SDCCAG8: variants seen among roughly 807,000 people sequenced by gnomAD.
The protein encoded by SDCCAG8 is serologically defined colon cancer antigen 8.
A neutral mutation model predicts 101.8 loss-of-function variants in SDCCAG8; 74 were observed. That is an observed-to-expected ratio of 0.73 (90% CI 0.60 to 0.88). The LOEUF (loss-of-function observed/expected upper bound fraction) is 0.88. Among genes scored for constraint, SDCCAG8 ranks in the 40% least tolerant of loss-of-function variants. The pLI, the probability that SDCCAG8 is intolerant of heterozygous loss-of-function variation, is 0.00. For synonymous variants in SDCCAG8, 281 were observed against 292.9 expected, an observed-to-expected ratio of 0.96 and a Z score of 0.41; for missense variants, 787 against 822.6, an observed-to-expected ratio of 0.96 and a Z score of 0.53.
intron 9 of SDCCAG8, chr1:243,318,619 C>T: frequency 1.0e-6 from 1 of 971,698 alleles, no homozygotes; most frequent in Non-Finnish European, 1.2e-6. Context: ...GTTTGACCCT[C>T]ATGCCTTTTG....
At chr1:243,412,035 C>G (rs2080217222) in intron 13 of SDCCAG8, among the ~76,000 whole-genome samples, 1 of 152,138 alleles carries the variant, frequency 6.6e-6, no homozygotes, top group African/African-American at 2.4e-5. Flanking sequence ...AAATTTTCCC[C>G]TTATACCTTT....
At chr1:243,425,095 G>A (rs796111364) in intron 15 of SDCCAG8, among the ~76,000 whole-genome samples, 5 of 152,242 alleles carry the variant, frequency 3.3e-5, no homozygotes, top group African/African-American at 1.2e-4. Context: ...TCAAATATGG[G>A]TAGATTCTTA....
intron 3 of SDCCAG8, 87 bp downstream of exon 3, chr1:243,271,150 T>A: frequency 2.2e-6 from 2 of 890,150 alleles, no homozygotes; most frequent in Middle Eastern, 2.1e-4. Flanking sequence ...AGAAAAAATT[T>A]AAGCATGGCA....
At chr1:243,415,886 C>T in intron 14 of SDCCAG8, 57 bp downstream of exon 14, 1 of 1,596,762 alleles carries the variant, frequency 6.3e-7, no homozygotes, top group Non-Finnish European at 8.5e-7. Flanking sequence ...AGGCCCACGC[C>T]TTACTGTGAA....
chr1:243,477,803 G>C (rs1056969306), intron 16 of SDCCAG8, among the ~76,000 whole-genome samples: 1 of 152,186 alleles, frequency 6.6e-6, no homozygotes, highest in Non-Finnish European at 1.5e-5. Context: ...CCAAGCTTCT[G>C]GCCTCTTTTG....
chr1:243,479,239 C>T (rs767765821), intron 16 of SDCCAG8, among the ~76,000 whole-genome samples: 3 of 152,080 alleles, frequency 2.0e-5, no homozygotes, highest in Non-Finnish European at 4.4e-5. Context: ...AAATAGCTAG[C>T]GATATTTGAA....
intron 13 of SDCCAG8, among the ~76,000 whole-genome samples, chr1:243,380,415 C>T (rs1042713395): frequency 1.3e-5 from 2 of 152,164 alleles, no homozygotes; most frequent in Non-Finnish European, 2.9e-5. Flanking sequence ...AATAGGACAG[C>T]TTTTAATGTC....
At chr1:243,273,376 A>G (rs1188953230) in intron 3 of SDCCAG8, among the ~76,000 whole-genome samples, 1 of 152,146 alleles carries the variant, frequency 6.6e-6, no homozygotes, top group Non-Finnish European at 1.5e-5. Flanking sequence ...TAAAAAAAAA[A>G]TTATGTGATG....
At chr1:243,436,290 GGT>G (rs1384178109) in intron 16 of SDCCAG8, among the ~76,000 whole-genome samples, 1 of 150,832 alleles carries the variant, frequency 6.6e-6, no homozygotes, top group Non-Finnish European at 1.5e-5. Context: ...TCGTACCTTT[GGT>G]GTTGTAGCTA....
chr1:243,438,920 CAT>C (rs767702948), intron 16 of SDCCAG8, among the ~76,000 whole-genome samples: 59 of 152,228 alleles, frequency 3.9e-4, no homozygotes, highest in Non-Finnish European at 7.9e-4. Context: ...TGTATCTTTC[CAT>C]ATCTGTTTTA....
intron 16 of SDCCAG8, among the ~76,000 whole-genome samples, chr1:243,480,474 A>G (rs868657954): frequency 7.8e-5 from 3 of 38,446 alleles, no homozygotes; most frequent in African/African-American, 1.1e-4. Flanking sequence ...GGATGGATGG[A>G]TGGATGGATG....
chr1:243,415,613 G>GT (rs2080520420), intron 13 of SDCCAG8, 89 bp from the exon 14 acceptor site: 2 of 1,561,024 alleles, frequency 1.3e-6, no homozygotes, highest in South Asian at 1.1e-5. Context: ...AATTTACTAC[G>GT]TATCAGCTCT....
chr1:243,307,196 C>T (rs115779001), intron 7 of SDCCAG8, among the ~76,000 whole-genome samples: 2 of 151,688 alleles, frequency 1.3e-5, no homozygotes, highest in Admixed American at 1.3e-4. Flanking sequence ...CTTAAAAAGT[C>T]ACCTTGGAGA....
At chr1:243,356,087 T>A (rs2076362097) in intron 12 of SDCCAG8, among the ~76,000 whole-genome samples, 1 of 152,222 alleles carries the variant, frequency 6.6e-6, no homozygotes, top group Non-Finnish European at 1.5e-5. Flanking sequence ...GAAGGTCCAC[T>A]ATGTGTATAG....
intron 13 of SDCCAG8, among the ~76,000 whole-genome samples, chr1:243,403,289 C>T (rs1270716630): frequency 6.6e-6 from 1 of 152,164 alleles, no homozygotes; most frequent in Non-Finnish European, 1.5e-5. Context: ...CCAATGCTAC[C>T]TCCCCCTGTG....
At chr1:243,324,459 C>CTTTTTTTTTTT (rs34446782) in intron 9 of SDCCAG8, among the ~76,000 whole-genome samples, 1 of 87,018 alleles carries the variant, frequency 1.1e-5, no homozygotes, top group Non-Finnish European at 2.0e-5. Context: ...TCTTCACATG[C>CTTTTTTTTTTT]TTTTTTTTTT....
chr1:243,410,565 G>A (rs2080101510), intron 13 of SDCCAG8, among the ~76,000 whole-genome samples: 2 of 152,088 alleles, frequency 1.3e-5, no homozygotes. Context: ...TCAGTAAAAA[G>A]GTGAGTAGGA....
intron 13 of SDCCAG8, among the ~76,000 whole-genome samples, chr1:243,386,406 T>C (rs1177839098): frequency 6.6e-6 from 1 of 152,082 alleles, no homozygotes. Context: ...TAGAAATAAA[T>C]GTTAGCTTCT....
At chr1:243,431,585 T>C (rs2081768133) in intron 16 of SDCCAG8, among the ~76,000 whole-genome samples, 1 of 152,216 alleles carries the variant, frequency 6.6e-6, no homozygotes, top group South Asian at 2.1e-4. Context: ...AATTTTCAAC[T>C]GGTGGTTTGG....
Sources: gnomAD v4.1 joint callset for allele counts (sites outside exome capture counted in the v4.1 genomes callset) on GRCh38, gnomAD v4.1.1 for gene constraint, MANE v1.5 for transcripts, NCBI Gene and HGNC (gene_info 2026-07-23, HGNC 2026-07-21) for gene names.